Variants in NPAS3 observed in about 807,000 individuals in gnomAD.
NPAS3 encodes the protein neuronal PAS domain protein 3.
Under a neutral mutation model 73.1 loss-of-function variants are expected in NPAS3, and 14 were observed. That is an observed-to-expected ratio of 0.19 (90% CI 0.13 to 0.30). The LOEUF is 0.30. Among genes scored for constraint, NPAS3 ranks in the 10% least tolerant of loss-of-function variants. NPAS3 has a pLI of 1.00. For missense variants in NPAS3, 1,096 were observed against 1,250.0 expected, an observed-to-expected ratio of 0.88 and a Z score of 1.86; for synonymous variants, 620 against 541.5, an observed-to-expected ratio of 1.14 and a Z score of -2.01.
chr14:33,230,106 C>T (rs2047791796), intron 3 of NPAS3, among the ~76,000 whole-genome samples: 1 of 152,180 alleles, frequency 6.6e-6, no homozygotes. Context: ...CTGATCCCCT[C>T]ACAGCAGAAA....
At chr14:33,211,591 T>G (rs1027385082) in intron 2 of NPAS3, among the ~76,000 whole-genome samples, 23 of 152,124 alleles carry the variant, frequency 1.5e-4, no homozygotes, top group African/African-American at 5.6e-4. Flanking sequence ...ATTATTAGCC[T>G]TTAGGTTGGT....
At chr14:33,407,202 C>T (rs2047705710) in intron 4 of NPAS3, among the ~76,000 whole-genome samples, 1 of 152,102 alleles carries the variant, frequency 6.6e-6, no homozygotes, top group African/African-American at 2.4e-5. Flanking sequence ...AGAGGCAGTG[C>T]CATCCTTTGT....
intron 4 of NPAS3, among the ~76,000 whole-genome samples, chr14:33,498,734 A>T (rs1347346378): frequency 6.6e-6 from 1 of 152,038 alleles, no homozygotes; most frequent in African/African-American, 2.4e-5. Flanking sequence ...TACCTAATGT[A>T]GATGATGGGT....
At chr14:33,651,139 AATC>A (rs2058981753) in intron 5 of NPAS3, among the ~76,000 whole-genome samples, 1 of 152,216 alleles carries the variant, frequency 6.6e-6, no homozygotes, top group African/African-American at 2.4e-5. Context: ...CCCGTGCAGA[AATC>A]ATCACACCTC....
intron 5 of NPAS3, among the ~76,000 whole-genome samples, chr14:33,588,308 C>T (rs1002618829): frequency 6.6e-6 from 1 of 152,160 alleles, no homozygotes; most frequent in East Asian, 1.9e-4. Context: ...AAACTTCCCT[C>T]TGTAATCCTC....
intron 5 of NPAS3, among the ~76,000 whole-genome samples, chr14:33,562,138 A>T (rs545245876): frequency 6.6e-6 from 1 of 152,330 alleles, no homozygotes; most frequent in South Asian, 2.1e-4. Context: ...CTGAAATATC[A>T]TCTGTTCAAG....
At position 33,337,629 on chromosome 14, in the gene NPAS3, C is replaced by T. The variant is rs545050619; in HGVS notation, c.386-29557C>T. On this transcript the variant is annotated intron_variant, in intron 3 of 11. Coordinates refer to ENST00000356141, the Ensembl canonical transcript of NPAS3. ...TTGTTAGTTTCTATAAAAATTCCTG[C>T]TGGAATTTTTATAGAAATTCCACTG... Among the ~76,000 whole-genome samples, 10 of 152,072 alleles carry T rather than the reference C, an allele frequency of 6.6e-5. 1 individual carries two copies. The South Asian group carries it at 2.1e-3, about 32-fold the overall frequency.
chr14:33,032,666 C>G (rs980499039), intron 1 of NPAS3, among the ~76,000 whole-genome samples: 2 of 152,194 alleles, frequency 1.3e-5, no homozygotes, highest in Non-Finnish European at 2.9e-5. Flanking sequence ...ACACGGACTC[C>G]CAGAGTTCCT....
chr14:32,951,355 TTAAA>T lies in NPAS3; in HGVS notation c.50+11995_50+11998del, dbSNP rs561568211. 1.3e-3 allele frequency among the ~76,000 whole-genome samples: 202 copies of T among 152,234 alleles called. 1 individual carries two copies. The highest frequency in any genetic ancestry group is 4.4e-3 in the African/African-American group (183 of 41,556). On this transcript the variant is annotated intron_variant, in intron 1 of 11. Transcript: ENST00000356141. ...CAAATATTCCATATTTATAAAATGA[TTAAA>T]TAAATTTTTTATGTCAAATATGGTG... is the stretch of plus-strand genomic sequence containing the variant.
At chr14:33,061,593 G>A (rs772633505) in intron 2 of NPAS3, among the ~76,000 whole-genome samples, 5 of 152,296 alleles carry the variant, frequency 3.3e-5, no homozygotes, top group Admixed American at 3.3e-4. Context: ...TGTTGGTAAT[G>A]TGGATGGCAT....
chr14:32,967,188 A>G (rs915603916), intron 1 of NPAS3, among the ~76,000 whole-genome samples: 4 of 152,188 alleles, frequency 2.6e-5, no homozygotes, highest in African/African-American at 9.7e-5. Flanking sequence ...AAAGATGATA[A>G]TGACCTTTAT....
chr14:33,076,802 C>T (rs964560049), intron 2 of NPAS3, among the ~76,000 whole-genome samples: 1 of 152,150 alleles, frequency 6.6e-6, no homozygotes, highest in Non-Finnish European at 1.5e-5. Flanking sequence ...TGTGTTAGTA[C>T]AAAAAAGTAT....
In NPAS3 at chr14:33,392,276, G is replaced by T. The variant is rs976785941; in HGVS notation, c.468+25008G>T. ...AAATATAAGCCAGAAGGAAAGGAAA[G>T]AATTAATATTTATTGAGCATTTATC... is the stretch of plus-strand genomic sequence containing the variant. On this transcript the variant is annotated intron_variant, in intron 4 of 11. Coordinates refer to ENST00000356141, the Ensembl canonical transcript of NPAS3. Among the ~76,000 whole-genome samples, 13 of 152,038 alleles carry T rather than the reference G, an allele frequency of 8.6e-5. No individual in the cohort carries two copies. The South Asian group carries it at 1.0e-3, about 12-fold the overall frequency.
At chr14:32,965,798 A>G (rs919434093) in intron 1 of NPAS3, among the ~76,000 whole-genome samples, 2 of 152,240 alleles carry the variant, frequency 1.3e-5, no homozygotes, top group Non-Finnish European at 2.9e-5. Context: ...ATGATCTTGT[A>G]TATAGAAAAC....
intron 5 of NPAS3, among the ~76,000 whole-genome samples, chr14:33,664,171 A>G (rs1237470033): frequency 1.3e-5 from 2 of 152,210 alleles, no homozygotes; most frequent in Non-Finnish European, 2.9e-5. Context: ...CAAAACAGAT[A>G]TACAGACCAC....
chr14:33,418,353 G>A (rs1347419070), intron 4 of NPAS3, among the ~76,000 whole-genome samples: 1 of 151,924 alleles, frequency 6.6e-6, no homozygotes, highest in Non-Finnish European at 1.5e-5. Context: ...TTGCCATGAA[G>A]AATGATAATA....
Position 33,467,542 on chromosome 14 carries a change from G to T in NPAS3, c.469-92579G>T, listed in dbSNP as rs114829162. Among the ~76,000 whole-genome samples, 627 of 152,290 alleles carry T rather than the reference G, an allele frequency of 4.1e-3. 6 individuals carry two copies. The highest frequency in any genetic ancestry group is 0.014 in the African/African-American group (602 of 41,566). On this transcript the variant is annotated intron_variant, in intron 4 of 11. Transcript: ENST00000356141. ...TTCTAAAAGTCAGCTTGAAACAGCT[G>T]AAAGAAAAGAGAAACATGAACGCAT...
chr14:33,016,405 GGAATGAATGAATGAAT>G (rs67545917), intron 1 of NPAS3, among the ~76,000 whole-genome samples: 8 of 150,358 alleles, frequency 5.3e-5, no homozygotes, highest in African/African-American at 2.0e-4. Context: ...CAATATTCAT[GGAATGAATGAATGAAT>G]GAATGAATGA....
chr14:33,524,784 T>G (rs2053720186), intron 4 of NPAS3, among the ~76,000 whole-genome samples: 1 of 152,120 alleles, frequency 6.6e-6, no homozygotes, highest in South Asian at 2.1e-4. Flanking sequence ...CAGCTTCCGG[T>G]GGTTTGCTGA....
Sources: gnomAD v4.1 joint callset for allele counts (sites outside exome capture counted in the v4.1 genomes callset) on GRCh38, gnomAD v4.1.1 for gene constraint, MANE v1.5 for transcripts, NCBI Gene and HGNC (gene_info 2026-07-23, HGNC 2026-07-21) for gene names.